RAP1GAP2: variants seen among roughly 807,000 people sequenced by gnomAD.
The protein encoded by RAP1GAP2 is RAP1 GTPase activating protein 2.
A neutral mutation model predicts 95.0 loss-of-function variants in RAP1GAP2; 27 were observed. That is an observed-to-expected ratio of 0.28 (90% CI 0.21 to 0.39). RAP1GAP2 has a LOEUF of 0.39. RAP1GAP2 is among the 10% of genes least tolerant of loss of function. The pLI is 1.00. For synonymous variants in RAP1GAP2, 373 were observed against 380.9 expected (o/e 0.98, Z 0.24); for missense variants, 771 against 970.0 (o/e 0.79, Z 2.72).
chr17:2,852,588 TAAAAACAAAACA>T (rs1004371023), intron 2 of RAP1GAP2, among the ~76,000 whole-genome samples: 31 of 152,134 alleles, frequency 2.0e-4, no homozygotes, highest in African/African-American at 6.5e-4. Flanking sequence ...ACCAGACTAT[TAAAAACAAAACA>T]AAAAACAAAA....
chr17:2,981,046 C>T (rs2045338568), intron 9 of RAP1GAP2, 149 bp from the exon 10 acceptor site: 2 of 644,432 alleles, frequency 3.1e-6, no homozygotes, highest in East Asian at 2.8e-5. Context: ...TGCCTGGGCA[C>T]GTGTTAGTGA....
At chr17:2,983,219 C>CA (rs1555587384) in intron 10 of RAP1GAP2, among the ~76,000 whole-genome samples, 1 of 148,806 alleles carries the variant, frequency 6.7e-6, no homozygotes, top group Non-Finnish European at 1.5e-5. Context: ...TGAATCCCTC[C>CA]TTTTTTTTTT....
intron 2 of RAP1GAP2, among the ~76,000 whole-genome samples, chr17:2,843,069 G>C (rs1216523856): frequency 6.6e-6 from 1 of 152,130 alleles, no homozygotes; most frequent in Non-Finnish European, 1.5e-5. Flanking sequence ...CCGGGGGCTG[G>C]TGTGGGGCAA....
intron 11 of RAP1GAP2, among the ~76,000 whole-genome samples, chr17:2,986,700 G>C (rs146007076): frequency 1.1e-3 from 168 of 152,218 alleles, no homozygotes; most frequent in African/African-American, 3.9e-3. Flanking sequence ...ACTGTGCTGT[G>C]CATGCTGGGG....
rs12325719 is a variant in RAP1GAP2 at position 2,871,664 on chromosome 17, T to C, written c.81-33620T>C. Among the ~76,000 whole-genome samples the C allele has an allele frequency of 0.028, 4,339 of 152,262 alleles. 133 individuals carry two copies. Among genetic ancestry groups the C allele is most frequent in the African/African-American group, 0.083 (3,463 of 41,524 alleles). On this transcript the variant is annotated intron_variant, in intron 2 of 24. Coordinates refer to ENST00000254695, the MANE Select transcript of RAP1GAP2 (RefSeq NM_015085.5). This position sits in a 1 kb window ranked among gnomAD's most constrained non-coding sequence, Gnocchi z 5.0. ...GACCCTCACCTTCATGCTGATTTCA[T>C]TGGGGTTCAATTGGTACCATCCCAT...
chr17:2,900,000 C>A (rs540989258), intron 2 of RAP1GAP2, among the ~76,000 whole-genome samples: 16 of 152,302 alleles, frequency 1.1e-4, no homozygotes, highest in African/African-American at 3.8e-4. Context: ...CCGAGAAGCT[C>A]TTTGCAGCCC....
At chr17:2,845,722 G>A (rs1308524442) in intron 2 of RAP1GAP2, among the ~76,000 whole-genome samples, 11 of 151,746 alleles carry the variant, frequency 7.2e-5, no homozygotes, top group African/African-American at 2.4e-4. Context: ...TTAGTTGGGC[G>A]TGGTGGTAGG....
chr17:2,964,293 G>T (rs2044484218), intron 7 of RAP1GAP2: 1 of 95,992 alleles, frequency 1.0e-5, no homozygotes, highest in African/African-American at 4.2e-5. Context: ...GGAGCTGCGG[G>T]GGGTGGGGGT....
At chr17:3,006,076 C>G (rs1244622839) in intron 16 of RAP1GAP2, 35 bp downstream of exon 16, 1 of 1,525,912 alleles carries the variant, frequency 6.6e-7, no homozygotes, top group African/African-American at 1.4e-5. Context: ...TCCCTCCTGA[C>G]TGCTGGGCCA....
At chr17:2,877,518 C>T (rs150559150) in intron 2 of RAP1GAP2, among the ~76,000 whole-genome samples, 1,524 of 152,206 alleles carry the variant, frequency 0.01, 11 homozygotes, top group Non-Finnish European at 0.016. Context: ...GAGGCCAAAG[C>T]GCGTGGATCA....
chr17:2,846,409 T>G (rs2071590869), intron 2 of RAP1GAP2, among the ~76,000 whole-genome samples: 1 of 151,942 alleles, frequency 6.6e-6, no homozygotes, highest in South Asian at 2.1e-4. Flanking sequence ...TGGCGGTTTG[T>G]TTTGTTTTGT....
At position 2,797,565 on chromosome 17, in the gene RAP1GAP2, G is replaced by T. The variant is rs1597325877; in HGVS notation, c.44+994G>T. Reference sequence around the variant, plus strand: ...GGCACGAAGGGCGAGGGGGAGAGGGGCTGTGTTCCTCGGTAATTTTTCGCT... The same window carrying T: ...GGCACGAAGGGCGAGGGGGAGAGGGTCTGTGTTCCTCGGTAATTTTTCGCT... On this transcript the variant is annotated intron_variant, in intron 1 of 24. Transcript: ENST00000254695. This position sits in a 1 kb window ranked among gnomAD's most constrained non-coding sequence, Gnocchi z 5.6. The T allele has an allele frequency of 3.0e-6, 1 of 336,662 alleles. No homozygotes were observed. The allele number at this position is 336,662 out of a possible 1,614,324, so 20.9% of individuals were successfully genotyped here.
intron 2 of RAP1GAP2, among the ~76,000 whole-genome samples, chr17:2,814,453 T>C (rs1353083664): frequency 6.6e-6 from 1 of 152,094 alleles, no homozygotes; most frequent in Non-Finnish European, 1.5e-5. Flanking sequence ...CCAGCTTCCA[T>C]GCAGCTTCCT....
In RAP1GAP2 at chr17:2,991,298, C is replaced by G; in HGVS notation, c.815C>G (p.Thr272Ser). The G allele has an allele frequency of 6.3e-7, 1 of 1,595,322 alleles. No individual in the cohort carries two copies. The highest frequency in any genetic ancestry group is 2.2e-5 in the East Asian group (1 of 44,550). ...FGVIYQKARQ[T>S]LEEELFGNNE... ...CCCTTATTCCTGTTTCTCTTTCAGA[C>G]CCTGGAGGAGGAGCTATTTGGGAAC... The change falls in exon 12 of 25, where the codon ACC (threonine) becomes AGC (serine). Residue 272 changes from threonine (T) to serine (S), a missense_variant and splice_region_variant. Physicochemically the swap from Thr to Ser is moderately conservative, Grantham distance 58 (BLOSUM62 1). Coordinates refer to ENST00000254695, the MANE Select transcript of RAP1GAP2 (RefSeq NM_015085.5).
intron 2 of RAP1GAP2, among the ~76,000 whole-genome samples, chr17:2,847,095 A>G (rs8081420): frequency 0.54 from 81,297 of 151,822 alleles, 21,917 homozygotes; most frequent in Admixed American, 0.59. Flanking sequence ...TGCAACCTCC[A>G]CCTCCCTGGT....
At chr17:2,822,287 A>G (rs1458892878) in intron 2 of RAP1GAP2, among the ~76,000 whole-genome samples, 1 of 152,174 alleles carries the variant, frequency 6.6e-6, no homozygotes, top group Non-Finnish European at 1.5e-5. Context: ...CCCAAAAGGC[A>G]CAAACACGGT....
chr17:2,889,889 A>ATATATATT lies in RAP1GAP2; in HGVS notation c.81-15394_81-15393insATATATTT, dbSNP rs1408426152. 8.4e-3 allele frequency among the ~76,000 whole-genome samples: 480 copies of ATATATATT among 57,200 alleles called. 7 individuals are homozygous for ATATATATT. Among genetic ancestry groups the ATATATATT allele is most frequent in the East Asian group, 0.016 (25 of 1,570 alleles). The allele number at this position is 57,200 out of a possible 152,430, so 37.5% of individuals were successfully genotyped here. On this transcript the variant is annotated intron_variant, in intron 2 of 24. Transcript: ENST00000254695. The stretch of plus-strand genomic sequence containing the variant: ...TATATATATATATATATATATATAT[A>ATATATATT]TTTTTTTTTTTTTTTGTAGAGATGG...
At chr17:2,919,374 A>G (rs1035480927) in intron 3 of RAP1GAP2, among the ~76,000 whole-genome samples, 1 of 152,140 alleles carries the variant, frequency 6.6e-6, no homozygotes, top group Non-Finnish European at 1.5e-5. Flanking sequence ...TTGGGACTAG[A>G]CTGAGTCGAG....
chr17:2,895,881 C>T (rs1019300516), intron 2 of RAP1GAP2, among the ~76,000 whole-genome samples: 2 of 151,982 alleles, frequency 1.3e-5, no homozygotes, highest in South Asian at 4.2e-4. Flanking sequence ...CCCGGCCTGC[C>T]CTCCCCTTTT....
Sources: allele counts gnomAD v4.1 joint callset (sites outside exome capture counted in the v4.1 genomes callset), GRCh38; gene constraint gnomAD v4.1.1; non-coding constraint Gnocchi (gnomAD v3.1); transcripts MANE v1.5; gene names NCBI Gene and HGNC (gene_info 2026-07-23, HGNC 2026-07-21).